Variants in RBFOX1 observed in about 807,000 individuals in gnomAD.
The protein encoded by RBFOX1 is RNA binding protein fox-1 homolog 1.
Under a neutral mutation model 57.7 loss-of-function variants are expected in RBFOX1, and 8 were observed. That is an observed-to-expected ratio of 0.14 (90% CI 0.08 to 0.25). RBFOX1 has a LOEUF of 0.25. RBFOX1 is among the 10% of genes least tolerant of loss of function. The probability of loss-of-function intolerance (pLI) is 1.00; values close to 1 mark genes in which losing one functional copy is unlikely to be tolerated. For synonymous variants in RBFOX1, 326 were observed against 222.4 expected (o/e 1.47, Z -4.15); for missense variants, 611 against 548.5 (o/e 1.11, Z -1.14).
chr16:6,692,751 T>A (rs913881819), intron 3 of RBFOX1, among the ~76,000 whole-genome samples: 2 of 152,122 alleles, frequency 1.3e-5, no homozygotes, highest in Non-Finnish European at 2.9e-5. Flanking sequence ...CTGATCTGTT[T>A]CAACCCACCT....
chr16:6,165,765 G>A (rs1001426240), intron 1 of RBFOX1, among the ~76,000 whole-genome samples: 2 of 152,174 alleles, frequency 1.3e-5, no homozygotes, highest in Non-Finnish European at 2.9e-5. Context: ...GCTCCTTCAG[G>A]AGTTAACAAT....
chr16:6,065,537 C>A (rs1031296106), intron 1 of RBFOX1, among the ~76,000 whole-genome samples: 2 of 152,160 alleles, frequency 1.3e-5, no homozygotes, highest in African/African-American at 2.4e-5. Flanking sequence ...TAATTAATTA[C>A]TTTGACATGC....
chr16:7,582,037 C>T (rs59071643), intron 6 of RBFOX1, among the ~76,000 whole-genome samples: 6 of 151,448 alleles, frequency 4.0e-5, no homozygotes, highest in African/African-American at 7.3e-5. Flanking sequence ...CCCCCCCCCC[C>T]CCTTTTTTTT....
At chr16:6,123,760 C>G (rs1169520992) in intron 1 of RBFOX1, among the ~76,000 whole-genome samples, 1 of 152,094 alleles carries the variant, frequency 6.6e-6, no homozygotes, top group Non-Finnish European at 1.5e-5. Flanking sequence ...CAAAAATTAG[C>G]CCGGCATGTT....
chr16:6,237,277 A>C (rs192389084), intron 1 of RBFOX1, among the ~76,000 whole-genome samples: 1 of 152,204 alleles, frequency 6.6e-6, no homozygotes, highest in African/African-American at 2.4e-5. Flanking sequence ...TGAAATTGCA[A>C]TGTTAGAAGG....
intron 1 of RBFOX1, among the ~76,000 whole-genome samples, chr16:5,418,609 G>C (rs983780864): frequency 6.6e-6 from 1 of 152,144 alleles, no homozygotes; most frequent in African/African-American, 2.4e-5. Flanking sequence ...TTTATAGGAC[G>C]AAGATGACTT....
chr16:5,250,427 C>T (rs532573131), intron 1 of RBFOX1, among the ~76,000 whole-genome samples: 7 of 152,216 alleles, frequency 4.6e-5, no homozygotes, highest in African/African-American at 1.4e-4. Context: ...TCCCCTTGTC[C>T]CTCACCCCCG....
intron 4 of RBFOX1, among the ~76,000 whole-genome samples, chr16:7,487,009 C>T (rs1323318148): frequency 3.3e-5 from 5 of 152,174 alleles, no homozygotes; most frequent in Non-Finnish European, 1.5e-5. Flanking sequence ...AAGCAGTTCT[C>T]CTGTCTCAGC....
chr16:7,437,249 T>TG (rs1034469419), intron 4 of RBFOX1, among the ~76,000 whole-genome samples: 1 of 84,030 alleles, frequency 1.2e-5, no homozygotes, highest in Non-Finnish European at 3.4e-5. Context: ...AAATTATCTT[T>TG]GCCCCCCCCC....
At chr16:6,551,985 A>G (rs1461056338) in intron 2 of RBFOX1, among the ~76,000 whole-genome samples, 3 of 152,206 alleles carry the variant, frequency 2.0e-5, no homozygotes, top group Non-Finnish European at 4.4e-5. Flanking sequence ...GTCATATCCC[A>G]TTACCAGTCA....
chr16:6,148,554 A>T (rs533867135), intron 1 of RBFOX1, among the ~76,000 whole-genome samples: 1 of 152,264 alleles, frequency 6.6e-6, no homozygotes, highest in East Asian at 1.9e-4. Flanking sequence ...TTATCAAATT[A>T]GGACCAATAA....
rs1229852373 is a variant in RBFOX1 at position 7,112,454 on chromosome 16, G to A, written c.27+60356G>A. ...ACTCCTGGCCTCAAGTTGTCCGCCC[G>A]CCTCAGCCTCCCAAAGATTTGGGAT... On this transcript the variant is annotated intron_variant, in intron 4 of 15. Transcript: ENST00000550418. Among the ~76,000 whole-genome samples the A allele has an allele frequency of 3.3e-5, 5 of 149,264 alleles. No homozygotes were observed. In the East Asian group the frequency reaches 6.0e-4, roughly 18 times the overall value.
At chr16:5,392,233 G>A (rs1399165563) in intron 1 of RBFOX1, among the ~76,000 whole-genome samples, 1 of 151,950 alleles carries the variant, frequency 6.6e-6, no homozygotes, top group Non-Finnish European at 1.5e-5. Context: ...CACCACTAAG[G>A]AATTTGTTCA....
intron 1 of RBFOX1, among the ~76,000 whole-genome samples, chr16:6,155,300 C>T (rs544898558): frequency 6.6e-6 from 1 of 152,284 alleles, no homozygotes; most frequent in Admixed American, 6.5e-5. Flanking sequence ...CAAGAGACAA[C>T]AGGGCAATTC....
intron 2 of RBFOX1, among the ~76,000 whole-genome samples, chr16:5,581,346 C>G (rs970157173): frequency 1.3e-5 from 2 of 152,164 alleles, no homozygotes; most frequent in Non-Finnish European, 2.9e-5. Flanking sequence ...GAGGAATAAG[C>G]CATTTGTGTA....
At chr16:6,490,652 A>C (rs2095611681) in intron 2 of RBFOX1, among the ~76,000 whole-genome samples, 2 of 152,192 alleles carry the variant, frequency 1.3e-5, no homozygotes, top group African/African-American at 4.8e-5. Flanking sequence ...TTTTTATACA[A>C]GAAAGAAAGG....
chr16:7,336,097 G>A (rs974579381), intron 4 of RBFOX1, among the ~76,000 whole-genome samples: 8 of 152,176 alleles, frequency 5.3e-5, no homozygotes, highest in African/African-American at 1.2e-4. Context: ...TGAATTTCTA[G>A]TGATGCCTTG....
intron 3 of RBFOX1, among the ~76,000 whole-genome samples, chr16:5,711,023 G>A (rs1300366249): frequency 6.6e-6 from 1 of 152,202 alleles, no homozygotes; most frequent in African/African-American, 2.4e-5. Context: ...GGAAGCACAA[G>A]GAGACATGCC....
intron 3 of RBFOX1, among the ~76,000 whole-genome samples, chr16:6,831,136 G>A (rs897974944): frequency 6.6e-6 from 1 of 152,140 alleles, no homozygotes. Flanking sequence ...CATTTTATTT[G>A]CAAGCGGTTT....
Sources: allele counts gnomAD v4.1 joint callset (sites outside exome capture counted in the v4.1 genomes callset), GRCh38; gene constraint gnomAD v4.1.1; transcripts MANE v1.5; gene names NCBI Gene and HGNC (gene_info 2026-07-23, HGNC 2026-07-21).